The following USP40 variants were observed in gnomAD, a reference collection of about 807,000 sequenced individuals.
USP40 encodes the protein ubiquitin specific peptidase 40, also known as ubiquitin carboxyl-terminal hydrolase 40.
USP40 carries 143 observed loss-of-function variants against 166.2 expected under a neutral mutation model. The ratio of observed to expected loss-of-function variants is 0.86; its 90% CI spans 0.75 to 0.99. USP40 has a LOEUF of 0.99. USP40 is among the 50% of genes least tolerant of loss of function. The pLI, the probability that USP40 is intolerant of heterozygous loss-of-function variation, is 0.00. For missense variants in USP40, 1,444 were observed against 1,479.7 expected, an observed-to-expected ratio of 0.98 and a Z score of 0.40; for synonymous variants, 498 against 524.0, an observed-to-expected ratio of 0.95 and a Z score of 0.68.
At chr2:233,517,422 T>C (rs1437859687) in intron 18 of USP40, among the ~76,000 whole-genome samples, 1 of 144,800 alleles carries the variant, frequency 6.9e-6, no homozygotes, top group Admixed American at 7.1e-5. Context: ...TCTCGCTCTG[T>C]CACCCAGGCT....
chr2:233,517,781 GGTGTGTGTGTGTGTGTGTGTGTGTGT>G (rs111938537), intron 18 of USP40, among the ~76,000 whole-genome samples: 4 of 142,250 alleles, frequency 2.8e-5, no homozygotes, highest in South Asian at 2.3e-4. Context: ...AAGAAACTGT[GGTGTGTGTGTGTGTGTGTGTGTGTGT>G]GTGTGTGTGT....
In USP40 at chr2:233,498,451, G is replaced by C. The variant is rs976600560; in HGVS notation, c.2715+97C>G. ...CATAGATATTTGTATCCTATAGAAAGTAATTAAAGCTTTCTCATGAGTGGA... is the reference window on the plus strand; with the variant it reads ...CATAGATATTTGTATCCTATAGAAACTAATTAAAGCTTTCTCATGAGTGGA... On this transcript the variant is annotated intron_variant, in intron 23 of 31. Coordinates refer to ENST00000678225, the MANE Select transcript of USP40 (RefSeq NM_001365479.2). The C allele has an allele frequency of 2.8e-6, 3 of 1,076,480 alleles. No homozygotes were observed. The East Asian group carries it at 7.5e-5, about 27-fold the overall frequency. 66.7% of individuals were successfully genotyped at this position (1,076,480 alleles called of 1,614,324 possible). A position where few individuals can be genotyped will look rare whatever the true frequency, so the allele number is the denominator to read the frequency against.
At chr2:233,547,483 G>A (rs540399015) in intron 8 of USP40, among the ~76,000 whole-genome samples, 3 of 152,284 alleles carry the variant, frequency 2.0e-5, no homozygotes, top group East Asian at 3.9e-4. Context: ...CTGGCACCAC[G>A]AGATGCCGTA....
At chr2:233,502,855 C>A (rs1427946390) in intron 21 of USP40, among the ~76,000 whole-genome samples, 4 of 151,710 alleles carry the variant, frequency 2.6e-5, no homozygotes, top group Non-Finnish European at 5.9e-5. Context: ...AACAGACACC[C>A]TAGAATCCAT....
chr2:233,493,136 C>T lies in USP40; in HGVS notation c.2917+289G>A. On this transcript the variant is annotated intron_variant, in intron 25 of 31. Coordinates refer to ENST00000678225, the MANE Select transcript of USP40 (RefSeq NM_001365479.2). The surrounding 1 kb of genome is among the most constrained non-coding windows in gnomAD (Gnocchi z 4.7). The stretch of plus-strand genomic sequence containing the variant: ...GTGGTGATAAATGGGGCCCCTGTTG[C>T]CCTGAGGATCTTGAGAGATGATACA... The T allele has an allele frequency of 2.2e-6, 1 of 464,624 alleles. No homozygotes were observed. Among genetic ancestry groups the T allele is most frequent in the Non-Finnish European group, 3.8e-6 (1 of 262,746 alleles). The allele number at this position is 464,624 out of a possible 1,614,324, so 28.8% of individuals were successfully genotyped here. A position where few individuals can be genotyped will look rare whatever the true frequency, so the allele number is the denominator to read the frequency against.
At chr2:233,482,455 T>C (rs1457830753) in intron 30 of USP40, among the ~76,000 whole-genome samples, 2 of 152,126 alleles carry the variant, frequency 1.3e-5, no homozygotes, top group African/African-American at 4.8e-5. Flanking sequence ...CACACACCTA[T>C]GGGCGAGTTA....
At position 233,486,136 on chromosome 2, in the gene USP40, G is replaced by T. The variant is rs182777433; in HGVS notation, c.3198-159C>A. On this transcript the variant is annotated intron_variant, in intron 28 of 31. Coordinates refer to ENST00000678225, the MANE Select transcript of USP40 (RefSeq NM_001365479.2). This position sits in a 1 kb window ranked among gnomAD's most constrained non-coding sequence, Gnocchi z 4.0. ...GATGCTAGTGGCAAACTCTTATTCC[G>T]CATTTCAATTTCCTTTAATCTTGGA... 6.6e-6 allele frequency among the ~76,000 whole-genome samples: 1 copy of T among 152,150 alleles called. No homozygotes were observed. Among genetic ancestry groups the T allele is most frequent in the Non-Finnish European group, 1.5e-5 (1 of 68,036 alleles).
In USP40 at chr2:233,480,051, C is replaced by T. The variant is rs1031162477; in HGVS notation, c.3599+1152G>A. 5.3e-5 allele frequency among the ~76,000 whole-genome samples: 8 copies of T among 152,194 alleles called. No homozygotes were observed. Among genetic ancestry groups the T allele is most frequent in the African/African-American group, 1.7e-4 (7 of 41,456 alleles). ...CCAGTGATCATGTCAACGCGTCCCC[C>T]TTCACACCCTCCAGCAGCCTCTAAC... On this transcript the variant is annotated intron_variant, in intron 31 of 31. Transcript: ENST00000678225. The surrounding 1 kb of genome is among the most constrained non-coding windows in gnomAD (Gnocchi z 4.5).
At chr2:233,513,610 T>C (rs1187484987) in intron 18 of USP40, among the ~76,000 whole-genome samples, 2 of 152,152 alleles carry the variant, frequency 1.3e-5, no homozygotes, top group African/African-American at 2.4e-5. Context: ...TGCTGGGGGA[T>C]TGATGTTATA....
intron 21 of USP40, among the ~76,000 whole-genome samples, chr2:233,503,677 C>T (rs1424706056): frequency 6.6e-6 from 1 of 152,016 alleles, no homozygotes; most frequent in African/African-American, 2.4e-5. Flanking sequence ...GCAAAGCTAT[C>T]CTTCAGAAAT....
intron 10 of USP40, among the ~76,000 whole-genome samples, chr2:233,538,130 A>G (rs1476064926): frequency 1.3e-5 from 2 of 152,122 alleles, no homozygotes; most frequent in Non-Finnish European, 2.9e-5. Context: ...TAATCGCTAG[A>G]TGAAATTAAA....
In USP40 at chr2:233,511,826, G is replaced by A. The variant is rs973147087; in HGVS notation, c.2438-29C>T. 7 of 1,509,776 alleles carry A rather than the reference G, an allele frequency of 4.6e-6. No individual in the cohort carries two copies. The African/African-American group carries it at 9.7e-5, about 21-fold the overall frequency. 93.5% of individuals were successfully genotyped at this position (1,509,776 alleles called of 1,614,324 possible). A position where few individuals can be genotyped will look rare whatever the true frequency, so the allele number is the denominator to read the frequency against. On this transcript the variant is annotated intron_variant, in intron 19 of 31. Transcript: ENST00000678225. ...AAAAAAATTTTGATAATATGATGAA[G>A]GTTATTAATTCCTAGCTCTCTAAGA... is the stretch of plus-strand genomic sequence containing the variant.
chr2:233,479,200 T>G (rs1318103570), intron 31 of USP40, among the ~76,000 whole-genome samples: 1 of 152,208 alleles, frequency 6.6e-6, no homozygotes, highest in Non-Finnish European at 1.5e-5. Context: ...ATAACAGCCC[T>G]GGTGACAACT....
intron 10 of USP40, among the ~76,000 whole-genome samples, chr2:233,538,563 AT>A (rs1473034346): frequency 6.6e-6 from 1 of 152,236 alleles, no homozygotes; most frequent in African/African-American, 2.4e-5. Flanking sequence ...ATGCCAACAA[AT>A]TTGACACCTC....
rs2064201584 is a variant in USP40, at chr2:233,476,795, A to G, written c.*597T>C. The G allele has an allele frequency of 6.3e-6, 1 of 158,952 alleles. No individual in the cohort carries two copies. Among genetic ancestry groups the G allele is most frequent in the Admixed American group, 6.0e-5 (1 of 16,802 alleles). The allele number at this position is 158,952 out of a possible 1,614,324, so 9.8% of individuals were successfully genotyped here. A position where few individuals can be genotyped will look rare whatever the true frequency, so the allele number is the denominator to read the frequency against. On this transcript the variant is annotated 3_prime_UTR_variant, in exon 32 of 32. Transcript: ENST00000678225. ...CCCTGTGTGGCTCCTCCTCGTGGAA[A>G]GAGCTCGCACTTTTCAGCATCGCAG...
In USP40 at chr2:233,493,174, G is replaced by C. The variant is rs2065457433; in HGVS notation, c.2917+251C>G. The C allele has an allele frequency of 9.4e-6, 5 of 529,834 alleles. No individual in the cohort carries two copies. The highest frequency in any genetic ancestry group is 1.6e-5 in the Non-Finnish European group (5 of 306,484). 32.8% of individuals were successfully genotyped at this position (529,834 alleles called of 1,614,324 possible). On this transcript the variant is annotated intron_variant, in intron 25 of 31. Coordinates refer to ENST00000678225, the MANE Select transcript of USP40 (RefSeq NM_001365479.2). This position sits in a 1 kb window ranked among gnomAD's most constrained non-coding sequence, Gnocchi z 4.7. ...GAGAGATGATACATAAAAGTCTTTG[G>C]AAAGTGTAATATATTGATATAATAA...
chr2:233,488,653 G>A (rs2065106152), intron 27 of USP40, among the ~76,000 whole-genome samples: 1 of 152,300 alleles, frequency 6.6e-6, no homozygotes, highest in Non-Finnish European at 1.5e-5. Context: ...AGTGGCTCAC[G>A]CCAGTAACCC....
In USP40 at chr2:233,498,254, G is replaced by C. The variant is rs1341744916; in HGVS notation, c.2715+294C>G. On this transcript the variant is annotated intron_variant, in intron 23 of 31. Transcript: ENST00000678225. ...GTGTATCTATAAAATTCCTTCATGA[G>C]CTCAAATGTCATTTGTTCTGTGAAG... Among the ~76,000 whole-genome samples, 10 of 152,172 alleles carry C rather than the reference G, an allele frequency of 6.6e-5. No individual in the cohort carries two copies. The South Asian group carries it at 2.1e-3, about 32-fold the overall frequency.
At chr2:233,560,993 G>T (rs1193247653) in intron 3 of USP40, 1 of 814,358 alleles carries the variant, frequency 1.2e-6, no homozygotes, top group Non-Finnish European at 2.1e-6. Flanking sequence ...TTTCTCGGAA[G>T]GCAAATTCCA....
Sources: gnomAD v4.1 joint callset for allele counts (sites outside exome capture counted in the v4.1 genomes callset) on GRCh38, gnomAD v4.1.1 for gene constraint, Gnocchi (gnomAD v3.1) non-coding constraint, MANE v1.5 for transcripts, NCBI Gene and HGNC (gene_info 2026-07-23, HGNC 2026-07-21) for gene names.